SLC9A3: variants seen among roughly 807,000 people sequenced by gnomAD.
The protein encoded by SLC9A3 is sodium/hydrogen exchanger 3.
A neutral mutation model predicts 86.8 loss-of-function variants in SLC9A3; 37 were observed. That is an observed-to-expected ratio of 0.43 (90% CI 0.33 to 0.56). The LOEUF is 0.56. Ranked by LOEUF, SLC9A3 falls within the 20% of genes least tolerant of loss-of-function variation. SLC9A3 has a pLI of 0.06. For missense variants in SLC9A3, 1,011 were observed against 1,171.9 expected (o/e 0.86, Z 2.00); for synonymous variants, 581 against 528.3 (o/e 1.10, Z -1.37).
intron 1 of SLC9A3, among the ~76,000 whole-genome samples, chr5:494,200 C>T (rs1418778860): frequency 1.3e-5 from 2 of 152,218 alleles, no homozygotes; most frequent in Non-Finnish European, 2.9e-5. Context: ...GACCCTAACG[C>T]GTGCCCCGAC....
intron 1 of SLC9A3, among the ~76,000 whole-genome samples, chr5:503,328 G>A (rs960050367): frequency 1.3e-5 from 2 of 152,204 alleles, no homozygotes; most frequent in African/African-American, 4.8e-5. Context: ...TTGAACCCAG[G>A]AGTTCAAGAC....
rs551072528 is a variant in SLC9A3 at position 473,493 on chromosome 5, C to T, written c.2502-111G>A. 15 of 930,234 alleles carry T rather than the reference C, an allele frequency of 1.6e-5. No homozygotes were observed. The South Asian group carries it at 4.3e-4, about 27-fold the overall frequency. The allele number at this position is 930,234 out of a possible 1,614,324, so 57.6% of individuals were successfully genotyped here. ...GCCCGGCGGCTCTCGCCTCCCCTCC[C>T]GCGGCGCACCCCAGGCTCGGCGTCC... On this transcript the variant is annotated intron_variant, in intron 16 of 16. Transcript: ENST00000264938.
At chr5:475,182 C>CA in intron 15 of SLC9A3, 50 bp from the exon 16 acceptor site, 1 of 1,517,852 alleles carries the variant, frequency 6.6e-7, no homozygotes, top group Non-Finnish European at 8.8e-7. Context: ...CCCACGGCGG[C>CA]AGGGGAGACC....
chr5:477,041 A>G, intron 11 of SLC9A3: 1 of 506,458 alleles, frequency 2.0e-6, no homozygotes, highest in Non-Finnish European at 3.6e-6. Flanking sequence ...GAGGAGCAGT[A>G]AGGGTGGCAT....
chr5:483,746 C>T (rs749963981), intron 5 of SLC9A3, among the ~76,000 whole-genome samples: 39 of 152,262 alleles, frequency 2.6e-4, no homozygotes, highest in Non-Finnish European at 5.3e-4. Flanking sequence ...GTTCCAAAGT[C>T]CCTCCCCACC....
In SLC9A3 at chr5:472,588, C is replaced by G. The variant is rs1738423403; in HGVS notation, c.*791G>C. 2.7e-6 allele frequency: 1 copy of G among 375,048 alleles called. No individual in the cohort carries two copies. Among genetic ancestry groups the G allele is most frequent in the African/African-American group, 2.2e-5 (1 of 45,084 alleles). The allele number at this position is 375,048 out of a possible 1,614,324, so 23.2% of individuals were successfully genotyped here. A position where few individuals can be genotyped will look rare whatever the true frequency, so the allele number is the denominator to read the frequency against. On this transcript the variant is annotated 3_prime_UTR_variant, in exon 17 of 17. Transcript: ENST00000264938. ...ACCCTGAGACCGGGCGCGGGCAGGA[C>G]GGAACCTGGGGGGGAAACGGGGCAG...
intron 11 of SLC9A3, 63 bp from the exon 12 acceptor site, chr5:476,735 T>C: frequency 6.4e-7 from 1 of 1,573,338 alleles, no homozygotes; most frequent in Admixed American, 1.7e-5. Context: ...TGCGCGCCCC[T>C]CGCCTTCCCA....
chr5:518,411 G>A (rs1733794708), intron 1 of SLC9A3, among the ~76,000 whole-genome samples: 1 of 151,888 alleles, frequency 6.6e-6, no homozygotes, highest in African/African-American at 2.4e-5. Context: ...TTGGAGATCT[G>A]GCATCCTGAG....
chr5:474,825 CCT>C (rs199785534), intron 16 of SLC9A3, 56 bp downstream of exon 16: 5 of 1,075,600 alleles, frequency 4.6e-6, no homozygotes, highest in Non-Finnish European at 6.3e-6. Flanking sequence ...GAGGCGGAGA[CCT>C]GGAGGGAGAG....
In SLC9A3 at chr5:483,473, G is replaced by A. The variant is rs1324533236; in HGVS notation, c.942C>T (p.Phe314=). 1.3e-6 allele frequency: 2 copies of A among 1,575,602 alleles called. No homozygotes were observed. Among genetic ancestry groups the A allele is most frequent in the Non-Finnish European group, 1.7e-6 (2 of 1,160,706 alleles). ...LSLSAILAIT[F]CGICCQKYVK... ...CATACTTCTGACAGCAGATGCCACA[G>A]AAGGTGATGCTGCAGGGACAGACGC... is the stretch of plus-strand genomic sequence containing the variant. The change falls in exon 6 of 17, where the codon TTC becomes TTT. Residue 314 remains phenylalanine (F), a synonymous_variant. Coordinates refer to ENST00000264938, the MANE Select transcript of SLC9A3 (RefSeq NM_004174.4).
chr5:522,385 G>T (rs1307915165), intron 1 of SLC9A3, among the ~76,000 whole-genome samples: 1 of 152,232 alleles, frequency 6.6e-6, no homozygotes, highest in Non-Finnish European at 1.5e-5. Context: ...GGTGCCTGGC[G>T]GCTGTCATTG....
In SLC9A3 at chr5:524,274, G is replaced by T; in HGVS notation, c.49C>A (p.Leu17Met). The T allele has an allele frequency of 7.4e-7, 1 of 1,352,508 alleles. No homozygotes were observed. 83.8% of individuals were successfully genotyped at this position (1,352,508 alleles called of 1,614,324 possible). A position where few individuals can be genotyped will look rare whatever the true frequency, so the allele number is the denominator to read the frequency against. ...RGPDRGLLLALALGGLARAGG... is the reference protein window; with the variant it reads ...RGPDRGLLLAMALGGLARAGG... ...GCCCGCGCCAGCCCGCCCAGCGCCAGCGCCAGCAGCAGCCCCCGGTCGGGG... is the reference window on the plus strand; with the variant it reads ...GCCCGCGCCAGCCCGCCCAGCGCCATCGCCAGCAGCAGCCCCCGGTCGGGG... The change falls in exon 1 of 17, where the codon CTG becomes ATG. Residue 17 changes from leucine to methionine, a missense_variant. Around this residue, in one of 3 missense-constraint regions of SLC9A3, gnomAD observed 49 missense variants for 35.6 expected, o/e 1.38. Transcript: ENST00000264938.
intron 2 of SLC9A3, among the ~76,000 whole-genome samples, chr5:490,235 C>T (rs77861768): frequency 9.8e-4 from 73 of 74,824 alleles, no homozygotes; most frequent in African/African-American, 2.9e-3. Context: ...GCGGCCTGCC[C>T]CAGGGGGCAC....
At chr5:482,913 G>A (rs74659573) in intron 6 of SLC9A3, among the ~76,000 whole-genome samples, 163 bp from the exon 7 acceptor site, 2,935 of 150,906 alleles carry the variant, frequency 0.019, 97 homozygotes, top group African/African-American at 0.067. Context: ...CCATCCACCC[G>A]GAGCCACACG....
At chr5:503,594 A>G (rs930041679) in intron 1 of SLC9A3, among the ~76,000 whole-genome samples, 10 of 152,210 alleles carry the variant, frequency 6.6e-5, no homozygotes, top group Admixed American at 2.6e-4. Flanking sequence ...AACCTTGAAG[A>G]GCGAATGGTA....
intron 10 of SLC9A3, 183 bp downstream of exon 10, chr5:479,653 A>AC (rs1739024911): frequency 5.0e-6 from 3 of 600,990 alleles, no homozygotes; most frequent in South Asian, 1.9e-5. Context: ...GACTCAGTTT[A>AC]CCCCACGAGA....
rs1408680587 is a variant in SLC9A3 at position 471,860 on chromosome 5, T to C, written c.*1519A>G. 6.6e-6 allele frequency: 3 copies of C among 456,518 alleles called. No homozygotes were observed. Among genetic ancestry groups the C allele is most frequent in the Admixed American group, 2.3e-5 (1 of 42,566 alleles). 28.3% of individuals were successfully genotyped at this position (456,518 alleles called of 1,614,324 possible). On this transcript the variant is annotated 3_prime_UTR_variant, in exon 17 of 17. Transcript: ENST00000264938. ...CAGTAAAAAGCTATCAATGGGAAAT[T>C]GTGGACTTTTCCCACCAGGGACTCA...
rs1470458368 is a variant in SLC9A3, at chr5:475,008, G to C, written c.2376C>G (p.Pro792=). ...GGCGGCAGAAGGTGCCGGGAGAGTA[G>C]GGAATCTGCGTGCGGGCCCTCTGCG... ...VPSQRARTQI[P]YSPGTFCRLM... The change falls in exon 16 of 17, where the codon CCC becomes CCG. Residue 792 remains proline (P), a synonymous_variant. Coordinates refer to ENST00000264938, the MANE Select transcript of SLC9A3 (RefSeq NM_004174.4). 2.5e-6 allele frequency: 4 copies of C among 1,612,316 alleles called. No homozygotes were observed. The highest frequency in any genetic ancestry group is 3.4e-6 in the Non-Finnish European group (4 of 1,179,754).
At chr5:485,345 G>A (rs1288588556) in intron 3 of SLC9A3, 114 bp from the exon 4 acceptor site, 49 of 818,268 alleles carry the variant, frequency 6.0e-5, no homozygotes, top group Non-Finnish European at 7.9e-5. Context: ...ACCCGAGGCC[G>A]TTGGAAGGAA....
Sources: gnomAD v4.1 joint callset for allele counts (sites outside exome capture counted in the v4.1 genomes callset) on GRCh38, gnomAD v4.1.1 for gene constraint, gnomAD v4.1.1 regional missense constraint, MANE v1.5 for transcripts, NCBI Gene and HGNC (gene_info 2026-07-23, HGNC 2026-07-21) for gene names.